Variants in PCF11 observed in about 807,000 individuals in gnomAD.
The protein encoded by PCF11 is PCF11 cleavage and polyadenylation factor subunit.
Under a neutral mutation model 166.1 loss-of-function variants are expected in PCF11, and 19 were observed. The ratio of observed to expected loss-of-function variants is 0.11; its 90% CI spans 0.08 to 0.17. The LOEUF is 0.17. Among genes scored for constraint, PCF11 ranks in the 10% least tolerant of loss-of-function variants. The probability of loss-of-function intolerance (pLI) is 1.00; values close to 1 mark genes in which losing one functional copy is unlikely to be tolerated. For missense variants in PCF11, 1,565 were observed against 1,855.5 expected, an observed-to-expected ratio of 0.84 and a Z score of 2.88; for synonymous variants, 663 against 644.1, an observed-to-expected ratio of 1.03 and a Z score of -0.44.
intron 2 of PCF11, among the ~76,000 whole-genome samples, chr11:83,161,854 C>A (rs993980561): frequency 1.3e-5 from 2 of 152,208 alleles, no homozygotes; most frequent in Non-Finnish European, 2.9e-5. Flanking sequence ...AGCATAATCC[C>A]TCAGTGTCTC....
At chr11:83,175,610 C>T (rs1262688067) in intron 9 of PCF11, among the ~76,000 whole-genome samples, 1 of 152,110 alleles carries the variant, frequency 6.6e-6, no homozygotes, top group Non-Finnish European at 1.5e-5. Flanking sequence ...AAGAAATTAG[C>T]TGGGTGTGGT....
exon 16 of PCF11, chr11:83,184,729 C>T: frequency 1.9e-6 from 3 of 1,611,978 alleles, no homozygotes; most frequent in Admixed American, 1.7e-5. Context: ...CAGTTGAAAA[C>T]CCCTTGAATA....
chr11:83,180,746 T>G (rs1861058753), intron 11 of PCF11: 1 of 237,020 alleles, frequency 4.2e-6, no homozygotes, highest in Non-Finnish European at 8.3e-6. Context: ...GATCATTTCA[T>G]TTTTAGCTAA....
At chr11:83,184,959 ATTTT>A (rs1316691904) in exon 16 of PCF11, 3 of 1,106,064 alleles carry the variant, frequency 2.7e-6, no homozygotes, top group African/African-American at 3.2e-5. Context: ...AAGGTGAAGA[ATTTT>A]TTTATGTATA....
chr11:83,183,171 CTT>C, intron 15 of PCF11, 98 bp downstream of exon 15: 2 of 676,612 alleles, frequency 3.0e-6, no homozygotes, highest in Non-Finnish European at 4.9e-6. Flanking sequence ...TTATTTTAAA[CTT>C]AATATATTGA....
chr11:83,186,016 CTGG>C, exon 16 of PCF11: 1 of 152,352 alleles, frequency 6.6e-6, no homozygotes, highest in Admixed American at 6.5e-5. Context: ...TGTATTTTCT[CTGG>C]TATTCACATC....
At chr11:83,165,547 T>C in intron 4 of PCF11, 53 bp from the exon 5 acceptor site, 1 of 1,429,842 alleles carries the variant, frequency 7.0e-7, no homozygotes, top group Non-Finnish European at 9.5e-7. Flanking sequence ...TGCAATTTCT[T>C]GACAATCTGC....
chr11:83,168,695 C>T (rs1334022144), exon 8 of PCF11: 1 of 1,613,988 alleles, frequency 6.2e-7, no homozygotes, highest in Admixed American at 1.7e-5. Flanking sequence ...CCCACACCAG[C>T]TTCTCTTCGG....
chr11:83,160,423 C>A (rs1035950625), intron 1 of PCF11, among the ~76,000 whole-genome samples: 1 of 142,684 alleles, frequency 7.0e-6, no homozygotes, highest in African/African-American at 2.6e-5. Context: ...TAATGCTCCT[C>A]AACAAGTCTG....
chr11:83,184,514 T>C (rs1861203272), intron 15 of PCF11, 165 bp from the exon 16 acceptor site: 1 of 606,984 alleles, frequency 1.6e-6, no homozygotes, highest in African/African-American at 1.9e-5. Flanking sequence ...ATATATTTTA[T>C]TTCTGGTTGT....
In PCF11 at chr11:83,169,683, T is replaced by G. The variant is rs1159136540; in HGVS notation, c.3348T>G (p.Phe1116Leu). Residue 1116 changes from phenylalanine (F) to leucine (L), a missense_variant, in exon 8 of 16, where the codon TTT (phenylalanine) becomes TTG (leucine). Coordinates refer to ENST00000298281, the Ensembl canonical transcript of PCF11. ...CTCTTGGTCTTCAAGGCACAAGATT[T>G]GACAATCATCCTTCACAAAGGCTTG... The G allele has an allele frequency of 4.3e-6, 7 of 1,613,836 alleles. No individual in the cohort carries two copies. The highest frequency in any genetic ancestry group is 5.9e-6 in the Non-Finnish European group (7 of 1,179,854).
At chr11:83,169,015 C>T in exon 8 of PCF11, 2 of 1,613,756 alleles carry the variant, frequency 1.2e-6, no homozygotes, top group Non-Finnish European at 1.7e-6. Context: ...GTTTGAGGGA[C>T]CTCATGGTCA....
intron 2 of PCF11, 27 bp downstream of exon 2, chr11:83,161,479 GTT>G: frequency 6.8e-7 from 1 of 1,473,768 alleles, no homozygotes; most frequent in Non-Finnish European, 9.0e-7. Flanking sequence ...AAACATTTGC[GTT>G]TTTTTTTAAA....
At chr11:83,158,900 C>T (rs923088050) in intron 1 of PCF11, 1 of 151,848 alleles carries the variant, frequency 6.6e-6, no homozygotes, top group Non-Finnish European at 1.5e-5. Flanking sequence ...TTTTATTTAC[C>T]TTTGTAAGGT....
At chr11:83,182,126 T>C (rs1052091266) in intron 13 of PCF11, 117 bp downstream of exon 13, 6 of 887,116 alleles carry the variant, frequency 6.8e-6, no homozygotes, top group Non-Finnish European at 9.9e-6. Flanking sequence ...TTAAGACTTC[T>C]TGAAAGCTCT....
At position 83,167,447 on chromosome 11, in the gene PCF11, A is replaced by C; in HGVS notation, c.2034A>C (p.Thr678=). The C allele has an allele frequency of 6.2e-7, 1 of 1,606,270 alleles. No individual in the cohort carries two copies. ...AACGTTTAGCATCTGGTGAAATTAC[A>C]CAGGATGACTTCCTTGTTGTTGTGC... Residue 678 remains threonine, a synonymous_variant, in exon 7 of 16, where the codon ACA becomes ACC. Coordinates refer to ENST00000298281, the Ensembl canonical transcript of PCF11. The surrounding 1 kb of genome is among the most constrained non-coding windows in gnomAD (Gnocchi z 4.2).
At chr11:83,159,795 C>T (rs1860158413) in intron 1 of PCF11, among the ~76,000 whole-genome samples, 1 of 152,108 alleles carries the variant, frequency 6.6e-6, no homozygotes, top group African/African-American at 2.4e-5. Flanking sequence ...AGCTTCTCTG[C>T]GTTACTAAAC....
At position 83,177,084 on chromosome 11, in the gene PCF11, G is replaced by T; in HGVS notation, c.3758-1G>T. ...TTTTCTTTCTTTCTTTTTTTTGTTA[G>T]GAGCCCTCCCTAAGGCATATCCTGA... is the stretch of plus-strand genomic sequence containing the variant. On this transcript the variant is annotated splice_acceptor_variant, in intron 9 of 15. Transcript: ENST00000298281. LOFTEE classifies it high-confidence loss of function. The T allele has an allele frequency of 6.8e-7, 1 of 1,465,426 alleles. No individual in the cohort carries two copies. The highest frequency in any genetic ancestry group is 2.9e-5 in the Admixed American group (1 of 35,076). 90.8% of individuals were successfully genotyped at this position (1,465,426 alleles called of 1,614,324 possible).
At chr11:83,182,401 T>C (rs1355107955) in exon 14 of PCF11, 3 of 1,488,814 alleles carry the variant, frequency 2.0e-6, no homozygotes, top group Non-Finnish European at 2.8e-6. Flanking sequence ...TATTTTAGAG[T>C]TGTGAAATCT....
Sources: gnomAD v4.1 joint callset for allele counts (sites outside exome capture counted in the v4.1 genomes callset) on GRCh38, gnomAD v4.1.1 for gene constraint, Gnocchi (gnomAD v3.1) non-coding constraint, MANE v1.5 for transcripts, NCBI Gene and HGNC (gene_info 2026-07-23, HGNC 2026-07-21) for gene names.